The following RASA3 variants were observed in gnomAD, a reference collection of about 807,000 sequenced individuals.
RASA3 encodes ras GTPase-activating protein 3.
Under a neutral mutation model 110.0 loss-of-function variants are expected in RASA3, and 73 were observed. That is an observed-to-expected ratio of 0.66 (90% confidence interval 0.55 to 0.81). The LOEUF (loss-of-function observed/expected upper bound fraction) is 0.81. RASA3 is among the 30% of genes least tolerant of loss of function. The pLI is 0.00. For synonymous variants in RASA3, 500 were observed against 451.4 expected (o/e 1.11, Z -1.37); for missense variants, 976 against 1,113.2 (o/e 0.88, Z 1.75).
chr13:113,980,434 T>C (rs1594268781), intron 23 of RASA3, among the ~76,000 whole-genome samples: 3 of 97,592 alleles, frequency 3.1e-5, no homozygotes, highest in African/African-American at 9.7e-5. Flanking sequence ...CCTCCGTGTG[T>C]GCACCTCCTG....
intron 1 of RASA3, among the ~76,000 whole-genome samples, chr13:114,111,237 A>C (rs78794964): frequency 0.055 from 565 of 10,200 alleles, 41 homozygotes; most frequent in East Asian, 0.16. Context: ...CTGCAGGCCG[A>C]GTTCTAACGG....
chr13:113,995,683 GGCCC>G (rs1302240145), intron 21 of RASA3, among the ~76,000 whole-genome samples: 2 of 103,684 alleles, frequency 1.9e-5, no homozygotes, highest in Non-Finnish European at 2.2e-5. Context: ...AGCTGATGGG[GGCCC>G]GGCTGATGGG....
chr13:114,026,208 G>A (rs970245357), intron 7 of RASA3, among the ~76,000 whole-genome samples: 2 of 152,214 alleles, frequency 1.3e-5, no homozygotes, highest in Admixed American at 6.5e-5. Context: ...GGCAGTGGGC[G>A]AGCTCTACCC....
At chr13:114,123,406 G>A (rs533986516) in intron 1 of RASA3, among the ~76,000 whole-genome samples, 2 of 152,328 alleles carry the variant, frequency 1.3e-5, no homozygotes, top group South Asian at 2.1e-4. Context: ...AGGGGTGCAC[G>A]CAAGGGCCCT....
chr13:114,001,724 C>T (rs2053408578), intron 18 of RASA3, among the ~76,000 whole-genome samples: 1 of 151,892 alleles, frequency 6.6e-6, no homozygotes, highest in East Asian at 1.9e-4. Flanking sequence ...GCCGCGGGCT[C>T]GGGGTCAGAG....
rs1566485824 is a variant in RASA3, at chr13:114,018,169, G to C, written c.1026C>G (p.Phe342Leu). The change falls in exon 11 of 24, where the codon TTC (phenylalanine) becomes TTG (leucine). Residue 342 changes from phenylalanine (F) to leucine (L), a missense_variant. Physicochemically the swap from Phe to Leu is conservative, Grantham distance 22. Around this residue, in one of 4 missense-constraint regions of RASA3, gnomAD observed 732 missense variants for 779.7 expected, o/e 0.94. Coordinates refer to ENST00000334062, the MANE Select transcript of RASA3 (RefSeq NM_007368.4). ...QEAAVPLVRL[F>L]LHYGRVVPFI... ...ATGGCACCACCCTGCCATAGTGTAGGAAGAGCCGCACCAGCGGGACGGCCG... is the reference window on the plus strand; with the variant it reads ...ATGGCACCACCCTGCCATAGTGTAGCAAGAGCCGCACCAGCGGGACGGCCG... 7.1e-6 allele frequency: 11 copies of C among 1,551,068 alleles called. No homozygotes were observed. Among genetic ancestry groups the C allele is most frequent in the Non-Finnish European group, 8.7e-6 (10 of 1,147,354 alleles).
chr13:114,062,312 AT>A (rs2079368675), intron 2 of RASA3, among the ~76,000 whole-genome samples: 1 of 151,708 alleles, frequency 6.6e-6, no homozygotes, highest in Admixed American at 6.7e-5. Context: ...GCAAAAATTC[AT>A]TGAGGGGGGG....
intron 1 of RASA3, among the ~76,000 whole-genome samples, chr13:114,107,030 TGTGCACGCCCACACCTCCTCTCTC>T (rs902866264): frequency 3.9e-5 from 6 of 152,230 alleles, no homozygotes; most frequent in Non-Finnish European, 7.3e-5. Context: ...GACGGCTTGG[TGTGCACGCCCACACCTCCTCTCTC>T]GTGCACGGCC....
At chr13:114,125,875 C>T (rs1411142089) in intron 1 of RASA3, among the ~76,000 whole-genome samples, 1 of 151,862 alleles carries the variant, frequency 6.6e-6, no homozygotes, top group African/African-American at 2.4e-5. Flanking sequence ...TGTCCAACCT[C>T]GCACCCTCCA....
chr13:114,067,358 C>G (rs974904596), intron 2 of RASA3, among the ~76,000 whole-genome samples: 1 of 152,232 alleles, frequency 6.6e-6, no homozygotes, highest in African/African-American at 2.4e-5. Context: ...AGCCTCCAGT[C>G]GTGTCAAGCA....
At chr13:114,030,453 GGCTC>G (rs1566501676) in intron 4 of RASA3, among the ~76,000 whole-genome samples, 27 of 110,082 alleles carry the variant, frequency 2.5e-4, no homozygotes, top group African/African-American at 8.1e-4. Context: ...CAGAGGGCAA[GGCTC>G]ACACAGAGGG....
At position 114,116,782 on chromosome 13, in the gene RASA3, A is replaced by ACGTGTGTGAGGGGTGCACGTGTGTGAG. The variant is rs1566584734; in HGVS notation, c.55+15652_55+15653insCTCACACACGTGCACCCCTCACACACG. On this transcript the variant is annotated intron_variant, in intron 1 of 23. Transcript: ENST00000334062. Reference sequence around the variant, plus strand: ...GTGTGTGAGGGGTGCACGTGTGTGAAGGGTGCACGTGTGTGAGGGGTGCAT... The same window carrying ACGTGTGTGAGGGGTGCACGTGTGTGAG: ...GTGTGTGAGGGGTGCACGTGTGTGAACGTGTGTGAGGGGTGCACGTGTGTGAGGGGTGCACGTGTGTGAGGGGTGCAT... Among the ~76,000 whole-genome samples the ACGTGTGTGAGGGGTGCACGTGTGTGAG allele has an allele frequency of 1.0e-4, 15 of 146,038 alleles. 2 individuals are homozygous for ACGTGTGTGAGGGGTGCACGTGTGTGAG. The highest frequency in any genetic ancestry group is 1.4e-4 in the Admixed American group (2 of 14,372).
chr13:114,102,379 G>T (rs1349156609), intron 1 of RASA3, among the ~76,000 whole-genome samples: 3 of 152,052 alleles, frequency 2.0e-5, no homozygotes, highest in African/African-American at 7.3e-5. Flanking sequence ...GAAGGAGGAA[G>T]AGAGACGGAG....
chr13:114,012,516 C>T (rs1173891512), intron 15 of RASA3, among the ~76,000 whole-genome samples: 2 of 149,542 alleles, frequency 1.3e-5, no homozygotes, highest in Non-Finnish European at 3.0e-5. Context: ...ACACACACTC[C>T]CCACGCATTC....
chr13:114,108,497 C>T (rs1304900843), intron 1 of RASA3: 1 of 146,010 alleles, frequency 6.8e-6, no homozygotes, highest in African/African-American at 2.6e-5. Context: ...CCCCGTCCGT[C>T]ACCCCGCATC....
chr13:114,118,034 G>A (rs2080319432), intron 1 of RASA3, among the ~76,000 whole-genome samples: 2 of 152,082 alleles, frequency 1.3e-5, no homozygotes, highest in South Asian at 2.1e-4. Context: ...GTGAGTGCAC[G>A]GGAACAGCCG....
intron 18 of RASA3, among the ~76,000 whole-genome samples, chr13:114,004,019 G>A (rs778812949): frequency 6.6e-6 from 1 of 152,188 alleles, no homozygotes; most frequent in Admixed American, 6.5e-5. Context: ...TGGCACCGAA[G>A]AACAAACATT....
intron 2 of RASA3, among the ~76,000 whole-genome samples, chr13:114,058,721 T>C (rs547292521): frequency 6.6e-6 from 1 of 152,344 alleles, no homozygotes; most frequent in Non-Finnish European, 1.5e-5. Flanking sequence ...CGACCCGCAG[T>C]CCCCAGGGAC....
intron 1 of RASA3, among the ~76,000 whole-genome samples, chr13:114,075,742 TGGGTGTGG>T: frequency 1.0e-5 from 1 of 98,532 alleles, no homozygotes; most frequent in South Asian, 3.7e-4. Context: ...CGCGTATCTC[TGGGTGTGG>T]AGGCGCCGGC....
Sources: allele counts gnomAD v4.1 joint callset (sites outside exome capture counted in the v4.1 genomes callset), GRCh38; gene constraint gnomAD v4.1.1; regional missense constraint gnomAD v4.1.1; transcripts MANE v1.5; gene names NCBI Gene and HGNC (gene_info 2026-07-23, HGNC 2026-07-21).